Variants in PCDH15 observed in about 807,000 individuals in gnomAD.
PCDH15 encodes protocadherin-15.
A neutral mutation model predicts 178.5 loss-of-function variants in PCDH15; 129 were observed. The observed-to-expected ratio is 0.72, with a 90% CI of 0.63 to 0.84. PCDH15 has a LOEUF of 0.84. Ranked by LOEUF, PCDH15 falls within the 40% of genes least tolerant of loss-of-function variation. The pLI, the probability that PCDH15 is intolerant of heterozygous loss-of-function variation, is 0.00. For missense variants in PCDH15, 2,230 were observed against 2,099.9 expected (o/e 1.06, Z -1.21); for synonymous variants, 800 against 732.0 (o/e 1.09, Z -1.50).
Position 55,503,071 on chromosome 10 carries a change from C to T in PCDH15, c.-156+124554G>A, listed in dbSNP as rs80011836. On this transcript the variant is annotated intron_variant, in intron 2 of 5. Transcript: ENST00000613346. ...TTAGTTTTTATAGGAAACCATGCCTCAAATATGAAAGACATCTTATAAAAA... is the reference window on the plus strand; with the variant it reads ...TTAGTTTTTATAGGAAACCATGCCTTAAATATGAAAGACATCTTATAAAAA... Among the ~76,000 whole-genome samples, 1,243 of 151,402 alleles carry T rather than the reference C, an allele frequency of 8.2e-3. 18 individuals carry two copies. The highest frequency in any genetic ancestry group is 0.029 in the African/African-American group (1,185 of 41,436).
Position 55,238,187 on chromosome 10 carries a change from G to A in PCDH15, c.-155-71536C>T, listed in dbSNP as rs186839846. ...TTTTGAGACGGAGTCTCCCTCTGTC[G>A]CCCAGGCTGGAGTGCACAGTGGCGC... On this transcript the variant is annotated intron_variant, in intron 1 of 5. Coordinates refer to the PCDH15 transcript ENST00000458638. Among the ~76,000 whole-genome samples, 1,050 of 126,654 alleles carry A rather than the reference G, an allele frequency of 8.3e-3. 20 individuals are homozygous for A. The highest frequency in any genetic ancestry group is 0.03 in the African/African-American group (992 of 33,014). 83.1% of individuals were successfully genotyped at this position (126,654 alleles called of 152,430 possible). A position where few individuals can be genotyped will look rare whatever the true frequency, so the allele number is the denominator to read the frequency against.
intron 3 of PCDH15, among the ~76,000 whole-genome samples, chr10:54,820,253 C>A (rs762279201): frequency 6.6e-6 from 1 of 151,918 alleles, no homozygotes; most frequent in Non-Finnish European, 1.5e-5. Context: ...TGGGCTCCAT[C>A]GAGATACTTC....
intron 15 of PCDH15, among the ~76,000 whole-genome samples, chr10:54,103,004 GCCT>G (rs1397332391): frequency 6.6e-6 from 1 of 152,110 alleles, no homozygotes; most frequent in Non-Finnish European, 1.5e-5. Flanking sequence ...AAGGCCCGAG[GCCT>G]CCTTGGAGAA....
Position 54,610,154 on chromosome 10 carries a change from G to C in PCDH15, c.91+54018C>G, listed in dbSNP as rs150056679. On this transcript the variant is annotated intron_variant, in intron 2 of 37. Coordinates refer to ENST00000644397, the MANE Select transcript of PCDH15 (RefSeq NM_001384140.1). ...TGAGCTCATACTCTTGGAAGGTAAA[G>C]AGGCTTTGTTTACTGGTGCAGATCT... Among the ~76,000 whole-genome samples the C allele has an allele frequency of 1.8e-4, 28 of 151,990 alleles. No individual in the cohort carries two copies. In the East Asian group the frequency reaches 5.4e-3, roughly 29 times the overall value.
At chr10:54,247,935 A>AAT (rs147562225) in intron 8 of PCDH15, among the ~76,000 whole-genome samples, 11,937 of 139,166 alleles carry the variant, frequency 0.086, 530 homozygotes, top group Middle Eastern at 0.11. Flanking sequence ...TGCATGAAAG[A>AAT]ATATATATAT....
chr10:53,814,013 G>A (rs959990712), intron 35 of PCDH15, among the ~76,000 whole-genome samples: 15 of 152,072 alleles, frequency 9.9e-5, no homozygotes, highest in African/African-American at 3.4e-4. Context: ...GAAGGAATGA[G>A]GTTAAGAAAG....
chr10:55,556,183 G>A (rs565692144), intron 2 of PCDH15, among the ~76,000 whole-genome samples: 48 of 151,942 alleles, frequency 3.2e-4, no homozygotes, highest in African/African-American at 1.1e-3. Context: ...TAATTACACC[G>A]TTACTTATTT....
intron 16 of PCDH15, among the ~76,000 whole-genome samples, chr10:54,084,172 A>G (rs930034867): frequency 1.3e-5 from 2 of 150,986 alleles, no homozygotes; most frequent in African/African-American, 2.4e-5. Flanking sequence ...TGCAACCTCC[A>G]CTTCCCAGGT....
chr10:54,601,981 C>G (rs2092558139), intron 2 of PCDH15, among the ~76,000 whole-genome samples: 1 of 151,700 alleles, frequency 6.6e-6, no homozygotes, highest in Admixed American at 6.6e-5. Flanking sequence ...TGAGGCCAAC[C>G]AGAAGGTGGA....
At chr10:54,602,736 G>A (rs1490082385) in intron 2 of PCDH15, among the ~76,000 whole-genome samples, 3 of 151,940 alleles carry the variant, frequency 2.0e-5, no homozygotes, top group Admixed American at 2.0e-4. Context: ...TATGGTTTTT[G>A]TGTTTCATTC....
At chr10:54,185,570 C>T (rs942168827) in intron 11 of PCDH15, among the ~76,000 whole-genome samples, 1 of 151,870 alleles carries the variant, frequency 6.6e-6, no homozygotes, top group African/African-American at 2.4e-5. Context: ...TATATTCTTA[C>T]TGATTATTTG....
chr10:55,583,468 C>A (rs1842663407), intron 2 of PCDH15, among the ~76,000 whole-genome samples: 2 of 152,286 alleles, frequency 1.3e-5, no homozygotes, highest in Admixed American at 6.5e-5. Context: ...GGGTCTCACT[C>A]TGTTGCCCAG....
chr10:54,793,115 G>A (rs186753318), intron 1 of PCDH15, among the ~76,000 whole-genome samples: 2 of 151,822 alleles, frequency 1.3e-5, no homozygotes, highest in Non-Finnish European at 2.9e-5. Context: ...AATATCAGTA[G>A]GCTCAGGGGA....
chr10:54,608,917 T>C (rs146220377), intron 2 of PCDH15, among the ~76,000 whole-genome samples: 32 of 152,212 alleles, frequency 2.1e-4, no homozygotes, highest in African/African-American at 7.7e-4. Flanking sequence ...TGAAGTAGTA[T>C]AATCATACCC....
chr10:53,822,352 GAGGAAGAGGA>G lies in PCDH15; in HGVS notation c.4368-2132_4368-2123del, dbSNP rs753690225. 1.3e-5 allele frequency: 20 copies of G among 1,579,416 alleles called. No homozygotes were observed. The highest frequency in any genetic ancestry group is 1.7e-4 in the Middle Eastern group (1 of 6,010). On this transcript the variant is annotated intron_variant, in intron 32 of 37. Coordinates refer to ENST00000644397, the MANE Select transcript of PCDH15 (RefSeq NM_001384140.1). ...ACGGAAAGTGGAAAAAATGTAGGAGGAGGAAGAGGAAGAGGGATAGAAGGAGGAGAGGGAG... is the reference window on the plus strand; with the variant it reads ...ACGGAAAGTGGAAAAAATGTAGGAGGAGAGGGATAGAAGGAGGAGAGGGAG...
intron 2 of PCDH15, among the ~76,000 whole-genome samples, chr10:54,650,344 T>C (rs1208351963): frequency 1.3e-5 from 2 of 152,174 alleles, no homozygotes; most frequent in Non-Finnish European, 2.9e-5. Flanking sequence ...TGTTTCTTTA[T>C]AGTTCCCTGA....
intron 3 of PCDH15, among the ~76,000 whole-genome samples, chr10:54,514,225 T>C (rs973821724): frequency 3.9e-5 from 6 of 152,184 alleles, no homozygotes; most frequent in Admixed American, 3.3e-4. Flanking sequence ...TTTTAACTAA[T>C]AGTCAATAAT....
chr10:54,663,698 A>G (rs2094526488), intron 2 of PCDH15, among the ~76,000 whole-genome samples: 1 of 151,100 alleles, frequency 6.6e-6, no homozygotes. Flanking sequence ...TTCCCAAAAA[A>G]AAAAAATAGT....
At chr10:54,909,011 G>A (rs1016768167) in intron 2 of PCDH15, among the ~76,000 whole-genome samples, 2 of 152,124 alleles carry the variant, frequency 1.3e-5, no homozygotes, top group African/African-American at 2.4e-5. Context: ...AGGTCATCCC[G>A]ACGAGTGTCC....
Sources: allele counts gnomAD v4.1 joint callset (sites outside exome capture counted in the v4.1 genomes callset), GRCh38; gene constraint gnomAD v4.1.1; transcripts MANE v1.5; gene names NCBI Gene and HGNC (gene_info 2026-07-23, HGNC 2026-07-21).